Variants in USP25 observed in about 807,000 individuals in gnomAD.
USP25 encodes the protein ubiquitin specific peptidase 25.
USP25 carries 85 observed loss-of-function variants against 158.5 expected under a neutral mutation model. The ratio of observed to expected loss-of-function variants is 0.54; its 90% CI spans 0.45 to 0.64. The LOEUF (loss-of-function observed/expected upper bound fraction) is 0.64, where lower values mean the gene tolerates loss of function less well. Ranked by LOEUF, USP25 falls within the 30% of genes least tolerant of loss-of-function variation. USP25 has a pLI of 0.00. For missense variants in USP25, 1,242 were observed against 1,327.3 expected, an observed-to-expected ratio of 0.94 and a Z score of 1.00; for synonymous variants, 464 against 460.4, an observed-to-expected ratio of 1.01 and a Z score of -0.10.
Position 15,791,548 on chromosome 21 carries a change from A to G in USP25, c.439A>G (p.Thr147Ala), listed in dbSNP as rs1228971440. ...IAENKACLKR[T>A]PTEVWRDSRN... The stretch of plus-strand genomic sequence containing the variant: ...AGAGAATAAAGCATGTTTGAAGAGG[A>G]CACCTACAGAAGTTTGGAGGGATTC... Residue 147 changes from threonine to alanine, a missense_variant, in exon 5 of 26, where the codon ACA (threonine) becomes GCA (alanine). Around this residue, in one of 3 missense-constraint regions of USP25, gnomAD observed 627 missense variants for 701.4 expected, o/e 0.89. Transcript: ENST00000400183. 3.7e-6 allele frequency: 6 copies of G among 1,611,238 alleles called. No individual in the cohort carries two copies. Among genetic ancestry groups the G allele is most frequent in the Non-Finnish European group, 5.1e-6 (6 of 1,178,268 alleles).
intron 1 of USP25, among the ~76,000 whole-genome samples, chr21:15,748,256 CA>C (rs1464075329): frequency 6.6e-6 from 1 of 152,024 alleles, no homozygotes; most frequent in East Asian, 1.9e-4. Flanking sequence ...TAAAGAAAAA[CA>C]GGTGTCAGGA....
intron 20 of USP25, among the ~76,000 whole-genome samples, chr21:15,854,646 A>G (rs2039049435): frequency 6.6e-6 from 1 of 152,192 alleles, no homozygotes; most frequent in Non-Finnish European, 1.5e-5. Context: ...AGTGATAAGA[A>G]TAGTGATGCC....
chr21:15,872,972 A>C (rs893463871), intron 23 of USP25, among the ~76,000 whole-genome samples: 11 of 152,194 alleles, frequency 7.2e-5, no homozygotes, highest in African/African-American at 2.4e-4. Context: ...AACTGACGCA[A>C]AGGAAATATT....
chr21:15,801,807 TGC>T (rs918908860), intron 6 of USP25, among the ~76,000 whole-genome samples: 10 of 151,620 alleles, frequency 6.6e-5, no homozygotes, highest in Non-Finnish European at 1.0e-4. Flanking sequence ...GGATATTTTT[TGC>T]TAGCAAAATT....
At chr21:15,855,109 C>T (rs1406069923) in intron 20 of USP25, among the ~76,000 whole-genome samples, 1 of 151,892 alleles carries the variant, frequency 6.6e-6, no homozygotes, top group Non-Finnish European at 1.5e-5. Flanking sequence ...ATTATAATTA[C>T]AATTATGGGA....
At chr21:15,770,116 A>G (rs1241225642) in intron 3 of USP25, among the ~76,000 whole-genome samples, 2 of 152,090 alleles carry the variant, frequency 1.3e-5, no homozygotes, top group African/African-American at 4.8e-5. Context: ...AATAGATCCA[A>G]TTCTAGTGCT....
intron 14 of USP25, among the ~76,000 whole-genome samples, chr21:15,828,301 C>T (rs2037625819): frequency 6.6e-6 from 1 of 152,068 alleles, no homozygotes; most frequent in Admixed American, 6.5e-5. Flanking sequence ...TGATGAAGCA[C>T]TATATTAGGC....
chr21:15,796,088 A>G (rs2035850101), intron 5 of USP25, among the ~76,000 whole-genome samples: 1 of 151,614 alleles, frequency 6.6e-6, no homozygotes, highest in Admixed American at 6.6e-5. Context: ...TTCACATATT[A>G]GCTTTGGACT....
At chr21:15,771,725 C>G (rs896620850) in intron 3 of USP25, among the ~76,000 whole-genome samples, 5 of 151,382 alleles carry the variant, frequency 3.3e-5, no homozygotes, top group African/African-American at 1.2e-4. Context: ...TCTCCCAAAA[C>G]AACCATTTGG....
At chr21:15,760,459 GA>G (rs1280561755) in intron 1 of USP25, among the ~76,000 whole-genome samples, 1 of 152,180 alleles carries the variant, frequency 6.6e-6, no homozygotes, top group Non-Finnish European at 1.5e-5. Context: ...CCAGAGTATT[GA>G]AGCTGCTGTT....
At chr21:15,842,366 T>G in intron 17 of USP25, 32 bp from the exon 18 acceptor site, 1 of 1,606,580 alleles carries the variant, frequency 6.2e-7, no homozygotes, top group South Asian at 1.1e-5. Context: ...GTGGTTTATA[T>G]TAGATATATA....
chr21:15,842,615 T>C (rs568986726), intron 18 of USP25, 75 bp downstream of exon 18: 875 of 1,547,230 alleles, frequency 5.7e-4, no homozygotes, highest in Non-Finnish European at 7.3e-4. Flanking sequence ...GAGAGGGACC[T>C]GTCAGGGAGT....
rs1387311056 is a variant in USP25, at chr21:15,730,099, C to A, written c.-295C>A. ...CCCGACTGGCTCGCGCTCTCCCGTGCCCCGGCGTCCTCCGCCCGCTCATGG... is the reference window on the plus strand; with the variant it reads ...CCCGACTGGCTCGCGCTCTCCCGTGACCCGGCGTCCTCCGCCCGCTCATGG... On this transcript the variant is annotated 5_prime_UTR_variant, in exon 1 of 26. Coordinates refer to ENST00000400183, the MANE Select transcript of USP25 (RefSeq NM_001283041.3). 1 of 152,992 alleles carries A rather than the reference C, an allele frequency of 6.5e-6. No homozygotes were observed. The highest frequency in any genetic ancestry group is 2.4e-5 in the African/African-American group (1 of 41,396). 9.5% of individuals were successfully genotyped at this position (152,992 alleles called of 1,614,324 possible). A position where few individuals can be genotyped will look rare whatever the true frequency, so the allele number is the denominator to read the frequency against.
chr21:15,836,251 TGA>T (rs2038058345), intron 17 of USP25, among the ~76,000 whole-genome samples: 1 of 152,216 alleles, frequency 6.6e-6, no homozygotes, highest in Non-Finnish European at 1.5e-5. Flanking sequence ...CAATTTCTAC[TGA>T]GTGATATTCC....
rs528981075 is a variant in USP25 at position 15,826,449 on chromosome 21, A to G, written c.1466+84A>G. On this transcript the variant is annotated intron_variant, in intron 13 of 25. Transcript: ENST00000400183. This position sits in a 1 kb window ranked among gnomAD's most constrained non-coding sequence, Gnocchi z 4.8. ...TGCTGCCTTTAAAGACAGTTTCTAT[A>G]AAATGTATGCTTTGATTTACTTCAG... The G allele has an allele frequency of 6.7e-7, 1 of 1,486,736 alleles. No individual in the cohort carries two copies. The highest frequency in any genetic ancestry group is 1.4e-5 in the African/African-American group (1 of 72,176). The allele number at this position is 1,486,736 out of a possible 1,614,324, so 92.1% of individuals were successfully genotyped here. A position where few individuals can be genotyped will look rare whatever the true frequency, so the allele number is the denominator to read the frequency against.
chr21:15,873,203 T>G (rs776791811), intron 23 of USP25, among the ~76,000 whole-genome samples: 1 of 151,910 alleles, frequency 6.6e-6, no homozygotes, highest in Non-Finnish European at 1.5e-5. Flanking sequence ...TCTTACCTTC[T>G]CAGCTCAAGA....
intron 4 of USP25, among the ~76,000 whole-genome samples, chr21:15,788,749 G>A (rs1403451962): frequency 6.6e-6 from 1 of 152,014 alleles, no homozygotes. Flanking sequence ...TATGGTTAAG[G>A]TGTATTGTGA....
At chr21:15,825,766 A>G (rs2037471023) in intron 12 of USP25, among the ~76,000 whole-genome samples, 1 of 152,172 alleles carries the variant, frequency 6.6e-6, no homozygotes, top group South Asian at 2.1e-4. Flanking sequence ...TACATCAAAT[A>G]GTATATTGTA....
At chr21:15,804,718 G>T (rs940282987) in intron 6 of USP25, among the ~76,000 whole-genome samples, 1 of 152,118 alleles carries the variant, frequency 6.6e-6, no homozygotes, top group African/African-American at 2.4e-5. Context: ...CAAGCACTTA[G>T]AACAGTGCCT....
Sources: allele counts gnomAD v4.1 joint callset (sites outside exome capture counted in the v4.1 genomes callset), GRCh38; gene constraint gnomAD v4.1.1; regional missense constraint gnomAD v4.1.1; non-coding constraint Gnocchi (gnomAD v3.1); transcripts MANE v1.5; gene names NCBI Gene and HGNC (gene_info 2026-07-23, HGNC 2026-07-21).